Variants in SCN10A observed in about 807,000 individuals in gnomAD.
The protein encoded by SCN10A is sodium channel protein type 10 subunit alpha.
A neutral mutation model predicts 170.7 loss-of-function variants in SCN10A; 162 were observed. The ratio of observed to expected loss-of-function variants is 0.95; its 90% CI spans 0.84 to 1.08. SCN10A has a LOEUF of 1.08. Ranked by LOEUF, SCN10A falls within the 50% of genes least tolerant of loss-of-function variation. SCN10A has a pLI of 0.00. For missense variants in SCN10A, 2,527 were observed against 2,436.9 expected, an observed-to-expected ratio of 1.04 and a Z score of -0.78; for synonymous variants, 985 against 904.6, an observed-to-expected ratio of 1.09 and a Z score of -1.59.
rs143610297 is a variant in SCN10A at position 38,723,527 on chromosome 3, C to T, written c.3255G>A (p.Glu1085=). 29 of 1,606,606 alleles carry T rather than the reference C, an allele frequency of 1.8e-5. No homozygotes were observed. The highest frequency in any genetic ancestry group is 4.5e-5 in the East Asian group (2 of 44,590). ...GATCTAGGCAGTCCACCGTGCTGCC[C>T]TCAGAGGAGCTTGTGTCGTCCACTC... ...AEGVDDTSSS[E]GSTVDCLDPE... is the part of the protein sequence containing the mutation. The change falls in exon 19 of 28, where the codon GAG becomes GAA. Residue 1085 remains glutamate (E), a synonymous_variant. Coordinates refer to ENST00000449082, the MANE Select transcript of SCN10A (RefSeq NM_006514.4).
chr3:38,787,946 T>A (rs1306856305), intron 4 of SCN10A, among the ~76,000 whole-genome samples: 2 of 151,932 alleles, frequency 1.3e-5, no homozygotes, highest in South Asian at 4.2e-4. Flanking sequence ...GTTAGTTTGC[T>A]GAGAATGATG....
In SCN10A at chr3:38,746,100, T is replaced by TATATATATATCTAG. The variant is rs71085336; in HGVS notation, c.1868-3572_1868-3571insCTAGATATATATAT. Among the ~76,000 whole-genome samples the TATATATATATCTAG allele has an allele frequency of 8.9e-3, 884 of 99,712 alleles. 67 individuals carry two copies. The highest frequency in any genetic ancestry group is 0.015 in the East Asian group (43 of 2,834). 65.4% of individuals were successfully genotyped at this position (99,712 alleles called of 152,430 possible). A position where few individuals can be genotyped will look rare whatever the true frequency, so the allele number is the denominator to read the frequency against. On this transcript the variant is annotated intron_variant, in intron 13 of 27. Transcript: ENST00000449082. ...ATATATATATATATATATATATATA[T>TATATATATATCTAG]GCCATCTTTGTCATCTAAGTTCTAG...
Position 38,728,805 on chromosome 3 carries a change from T to C in SCN10A, c.2377A>G (p.Ile793Val). ...SVGALGNLTI[I>V]LAIIVFVFAL... is the part of the protein sequence containing the mutation. The stretch of plus-strand genomic sequence containing the variant: ...AAGACAAAGACAATGATGGCCAGGA[T>C]GATGGTGAGGTTCCCCAGTGCCCCC... Residue 793 changes from isoleucine to valine, a missense_variant, in exon 16 of 28, where the codon ATC becomes GTC. Physicochemically the swap from Ile to Val is conservative, Grantham distance 29. Coordinates refer to ENST00000449082, the MANE Select transcript of SCN10A (RefSeq NM_006514.4). 1.2e-6 allele frequency: 2 copies of C among 1,614,164 alleles called. No homozygotes were observed. Among genetic ancestry groups the C allele is most frequent in the African/African-American group, 1.3e-5 (1 of 75,038 alleles).
At chr3:38,736,860 A>G (rs950601824) in intron 15 of SCN10A, among the ~76,000 whole-genome samples, 1 of 147,372 alleles carries the variant, frequency 6.8e-6, no homozygotes, top group African/African-American at 2.5e-5. Context: ...AAACTTGCCT[A>G]TTTTTGGTTG....
At chr3:38,801,099 G>A (rs917540951) in intron 1 of SCN10A, among the ~76,000 whole-genome samples, 1 of 152,096 alleles carries the variant, frequency 6.6e-6, no homozygotes, top group Non-Finnish European at 1.5e-5. Flanking sequence ...ATTACAGTGG[G>A]CAAGGCAAGA....
In SCN10A at chr3:38,701,858, C is replaced by G; in HGVS notation, c.4638G>C (p.Val1546=). The G allele has an allele frequency of 6.2e-7, 1 of 1,610,744 alleles. No homozygotes were observed. Among genetic ancestry groups the G allele is most frequent in the Non-Finnish European group, 8.5e-7 (1 of 1,178,298 alleles). The change falls in exon 27 of 28, where the codon GTG becomes GTC. Residue 1546 remains valine, a synonymous_variant. Coordinates refer to ENST00000449082, the MANE Select transcript of SCN10A (RefSeq NM_006514.4). Reference sequence around the variant, plus strand: ...ACTTACTCGCAATGGAGAGAACCACCACAATGAAGTCAAACACATTCCAGC... The same window carrying G: ...ACTTACTCGCAATGGAGAGAACCACGACAATGAAGTCAAACACATTCCAGC... ...TNGWNVFDFI[V]VVLSIASLIF...
At chr3:38,757,556 T>C (rs2063822542) in intron 8 of SCN10A, among the ~76,000 whole-genome samples, 2 of 152,222 alleles carry the variant, frequency 1.3e-5, no homozygotes, top group South Asian at 4.1e-4. Context: ...GTTCACTGAT[T>C]AATTATATGT....
intron 21 of SCN10A, among the ~76,000 whole-genome samples, chr3:38,717,831 A>T (rs2063348587): frequency 6.6e-6 from 1 of 152,194 alleles, no homozygotes; most frequent in Non-Finnish European, 1.5e-5. Flanking sequence ...TGAACAGATA[A>T]CTCAGTTAAC....
intron 26 of SCN10A, among the ~76,000 whole-genome samples, chr3:38,702,789 G>T (rs1416425606): frequency 6.6e-6 from 1 of 152,238 alleles, no homozygotes; most frequent in Non-Finnish European, 1.5e-5. Context: ...AGTCTTGGTT[G>T]TTTGCATCTT....
At chr3:38,774,211 T>TC (rs879706455) in intron 4 of SCN10A, among the ~76,000 whole-genome samples, 59 of 152,034 alleles carry the variant, frequency 3.9e-4, no homozygotes, top group Non-Finnish European at 7.8e-4. Flanking sequence ...CTTGTTGGTT[T>TC]CCCCCCCACA....
intron 24 of SCN10A, 105 bp downstream of exon 24, chr3:38,710,739 C>T (rs1038429190): frequency 1.9e-5 from 21 of 1,090,194 alleles, no homozygotes; most frequent in African/African-American, 6.2e-5. Flanking sequence ...GCTGGGTGAT[C>T]GCCTCTTCCA....
chr3:38,706,265 T>G (rs1253987908), intron 26 of SCN10A, among the ~76,000 whole-genome samples: 2 of 152,250 alleles, frequency 1.3e-5, no homozygotes, highest in Admixed American at 1.3e-4. Context: ...TAAAAAAATC[T>G]AATAGCTTGG....
Position 38,793,749 on chromosome 3 carries a change from T to C in SCN10A, c.262A>G (p.Thr88Ala), listed in dbSNP as rs1274546439. Residue 88 changes from threonine to alanine, a missense_variant, in exon 2 of 28, where the codon ACA becomes GCA. Transcript: ENST00000449082. ...CTACTAGTAGCTCTTACCCGGTGTG[T>C]GCTGTAGAACGGATCTAGATCCTCC... ...PLEDLDPFYS[T>A]HRTFMVLNKG... 1.2e-6 allele frequency: 2 copies of C among 1,613,460 alleles called. No homozygotes were observed. The highest frequency in any genetic ancestry group is 2.2e-5 in the East Asian group (1 of 44,864).
At chr3:38,716,780 G>A (rs2063338627) in intron 21 of SCN10A, among the ~76,000 whole-genome samples, 1 of 152,170 alleles carries the variant, frequency 6.6e-6, no homozygotes, top group African/African-American at 2.4e-5. Context: ...AGGATGGATG[G>A]CTGGGTAAAA....
Position 38,726,812 on chromosome 3 carries a change from G to C in SCN10A, c.2881C>G (p.His961Asp). The C allele has an allele frequency of 6.2e-7, 1 of 1,612,352 alleles. No homozygotes were observed. Among genetic ancestry groups the C allele is most frequent in the Non-Finnish European group, 8.5e-7 (1 of 1,178,496 alleles). ...CCCCTGGCAGTGTTGGCAGCAATGTGGTTCTCAGCCTTGGAGCTGGAGAGT... is the reference window on the plus strand; with the variant it reads ...CCCCTGGCAGTGTTGGCAGCAATGTCGTTCTCAGCCTTGGAGCTGGAGAGT... ...LPLSSSKAEN[H>D]IAANTARGSS... The change falls in exon 17 of 28, where the codon CAC (histidine) becomes GAC (aspartate). Residue 961 changes from histidine (H) to aspartate (D), a missense_variant. His to Asp is a moderately conservative substitution (Grantham distance 81). Coordinates refer to ENST00000449082, the MANE Select transcript of SCN10A (RefSeq NM_006514.4).
chr3:38,747,976 T>C (rs2063709128), intron 13 of SCN10A, among the ~76,000 whole-genome samples: 1 of 152,150 alleles, frequency 6.6e-6, no homozygotes, highest in Non-Finnish European at 1.5e-5. Context: ...CAAGCTTATA[T>C]CAGTTCACCA....
In SCN10A at chr3:38,761,360, G is replaced by A. The variant is rs369923291; in HGVS notation, c.715C>T (p.Leu239=). 2.7e-5 allele frequency: 43 copies of A among 1,613,586 alleles called. No individual in the cohort carries two copies. The highest frequency in any genetic ancestry group is 2.0e-4 in the South Asian group (18 of 90,976). Residue 239 remains leucine, a synonymous_variant, in exon 7 of 28, where the codon CTG becomes TTG. Coordinates refer to ENST00000449082, the MANE Select transcript of SCN10A (RefSeq NM_006514.4). Reference sequence around the variant, plus strand: ...GCCAGTTTCTTCACTGAGTGAATCAGGGCCCCCACAATGACCTTCAGGCCT... The same window carrying A: ...GCCAGTTTCTTCACTGAGTGAATCAAGGCCCCCACAATGACCTTCAGGCCT... ...IPGLKVIVGA[L]IHSVKKLADV...
chr3:38,795,367 G>A (rs1222802840), intron 1 of SCN10A, among the ~76,000 whole-genome samples: 3 of 132,840 alleles, frequency 2.3e-5, no homozygotes, highest in African/African-American at 5.8e-5. Context: ...TTTTGAGACA[G>A]GGTATCACTG....
Position 38,793,739 on chromosome 3 carries a change from A to G in SCN10A, c.270+2T>C, listed in dbSNP as rs1575183783. 7 of 1,612,164 alleles carry G rather than the reference A, an allele frequency of 4.3e-6. No individual in the cohort carries two copies. The highest frequency in any genetic ancestry group is 2.7e-5 in the African/African-American group (2 of 74,920). On this transcript the variant is annotated splice_donor_variant, in intron 2 of 27. Coordinates refer to ENST00000449082, the MANE Select transcript of SCN10A (RefSeq NM_006514.4). LOFTEE classifies it high-confidence loss of function. ...GCAGACATTCCTACTAGTAGCTCTT[A>G]CCCGGTGTGTGCTGTAGAACGGATC...
Sources: gnomAD v4.1 joint callset for allele counts (sites outside exome capture counted in the v4.1 genomes callset) on GRCh38, gnomAD v4.1.1 for gene constraint, MANE v1.5 for transcripts, NCBI Gene and HGNC (gene_info 2026-07-23, HGNC 2026-07-21) for gene names.